KCNMA1: variants seen among roughly 807,000 people sequenced by gnomAD.
The protein encoded by KCNMA1 is Calcium-activated potassium channel subunit alpha-1.
In KCNMA1, 29 loss-of-function variants were observed where a neutral mutation model predicts 140.0. The ratio of observed to expected loss-of-function variants is 0.21; its 90% CI spans 0.15 to 0.28. The LOEUF (loss-of-function observed/expected upper bound fraction) is 0.28, where lower values mean the gene tolerates loss of function less well. Among genes scored for constraint, KCNMA1 ranks in the 10% least tolerant of loss-of-function variants. The pLI, the probability that KCNMA1 is intolerant of heterozygous loss-of-function variation, is 1.00. For synonymous variants in KCNMA1, 612 were observed against 611.9 expected (o/e 1.00, Z 0.00); for missense variants, 880 against 1,602.2 (o/e 0.55, Z 7.70).
At chr10:77,130,563 A>G (rs1339885813) in intron 5 of KCNMA1, among the ~76,000 whole-genome samples, 2 of 152,210 alleles carry the variant, frequency 1.3e-5, no homozygotes, top group Admixed American at 1.3e-4. Flanking sequence ...TAAATTATTC[A>G]TCAATGAATT....
intron 1 of KCNMA1, among the ~76,000 whole-genome samples, chr10:77,494,240 G>A (rs901377360): frequency 3.9e-5 from 6 of 152,056 alleles, no homozygotes; most frequent in African/African-American, 7.3e-5. Context: ...CTGGCATTTC[G>A]CCAATTGGAC....
intron 1 of KCNMA1, among the ~76,000 whole-genome samples, chr10:77,572,569 CATATATAT>C (rs56706119): frequency 0.031 from 1,177 of 37,562 alleles, 141 homozygotes; most frequent in African/African-American, 0.11. Context: ...AAAAAAAATC[CATATATAT>C]ATATATATAT....
intron 7 of KCNMA1, among the ~76,000 whole-genome samples, chr10:77,111,067 GC>G (rs982175525): frequency 3.3e-5 from 5 of 152,216 alleles, no homozygotes; most frequent in African/African-American, 1.2e-4. Context: ...CTCTGCAGAG[GC>G]AAAACTTCAA....
chr10:77,530,953 C>T (rs780823218), intron 1 of KCNMA1, among the ~76,000 whole-genome samples: 4 of 152,134 alleles, frequency 2.6e-5, no homozygotes, highest in African/African-American at 4.8e-5. Flanking sequence ...ATAAGAAATT[C>T]GTCTGTGTCC....
At position 77,608,733 on chromosome 10, in the gene KCNMA1, T is replaced by A. The variant is rs2154567607; in HGVS notation, c.378+28532A>T. ...CCTGTTATAGACACTTGCATTGATCTCCCTCTGCCCAGAACTGCTTTATTT... is the reference window on the plus strand; with the variant it reads ...CCTGTTATAGACACTTGCATTGATCACCCTCTGCCCAGAACTGCTTTATTT... On this transcript the variant is annotated intron_variant, in intron 1 of 27. Transcript: ENST00000286628. 2.0e-5 allele frequency among the ~76,000 whole-genome samples: 3 copies of A among 152,272 alleles called. No individual in the cohort carries two copies. The South Asian group carries it at 6.2e-4, about 32-fold the overall frequency.
intron 27 of KCNMA1, 55 bp downstream of exon 27, chr10:76,889,396 G>T (rs1341117264): frequency 3.4e-6 from 4 of 1,160,338 alleles, no homozygotes; most frequent in Middle Eastern, 1.9e-4. Flanking sequence ...GGACAGGAAA[G>T]GATATTAATA....
At chr10:77,234,410 T>C (rs2054691362) in intron 3 of KCNMA1, among the ~76,000 whole-genome samples, 1 of 152,214 alleles carries the variant, frequency 6.6e-6, no homozygotes, top group Non-Finnish European at 1.5e-5. Context: ...GGTCTGTCTC[T>C]TTCTGATACT....
In KCNMA1 at chr10:76,886,172, G is replaced by A. The variant is rs2036819149; in HGVS notation, c.*1094C>T. 1 of 985,372 alleles carries A rather than the reference G, an allele frequency of 1.0e-6. No homozygotes were observed. Among genetic ancestry groups the A allele is most frequent in the African/African-American group, 1.7e-5 (1 of 57,346 alleles). 61.0% of individuals were successfully genotyped at this position (985,372 alleles called of 1,614,324 possible). A position where few individuals can be genotyped will look rare whatever the true frequency, so the allele number is the denominator to read the frequency against. The stretch of plus-strand genomic sequence containing the variant: ...AAAAGCATGATCTGCAGCTGGGTTT[G>A]TCTTCCTCTCACTCTACCATTGCCC... On this transcript the variant is annotated 3_prime_UTR_variant, in exon 28 of 28. Coordinates refer to ENST00000286628, the MANE Select transcript of KCNMA1 (RefSeq NM_001161352.2).
intron 3 of KCNMA1, among the ~76,000 whole-genome samples, chr10:77,222,805 C>T (rs2050111515): frequency 6.6e-6 from 1 of 152,220 alleles, no homozygotes; most frequent in Admixed American, 6.5e-5. Flanking sequence ...TTATCTGAGA[C>T]AGGCAGAGGA....
chr10:77,105,297 G>T (rs1437296540), intron 9 of KCNMA1, among the ~76,000 whole-genome samples: 1 of 152,270 alleles, frequency 6.6e-6, no homozygotes, highest in African/African-American at 2.4e-5. Context: ...TTTATATTAT[G>T]CCAAACACAT....
intron 1 of KCNMA1, among the ~76,000 whole-genome samples, chr10:77,522,407 C>T (rs890382389): frequency 6.6e-6 from 1 of 152,136 alleles, no homozygotes; most frequent in Non-Finnish European, 1.5e-5. Flanking sequence ...TCATTTGCCT[C>T]GCCTCCTCCT....
chr10:76,922,557 C>T (rs1005993051), intron 23 of KCNMA1, among the ~76,000 whole-genome samples: 2 of 152,114 alleles, frequency 1.3e-5, no homozygotes, highest in Admixed American at 1.3e-4. Flanking sequence ...TCCGTATTCT[C>T]CCCAGGACAT....
At chr10:77,565,325 G>A (rs947130673) in intron 1 of KCNMA1, among the ~76,000 whole-genome samples, 8 of 152,026 alleles carry the variant, frequency 5.3e-5, no homozygotes, top group African/African-American at 1.2e-4. Context: ...ATGCAGCAGC[G>A]GGCGGGGAAA....
intron 2 of KCNMA1, among the ~76,000 whole-genome samples, chr10:77,285,764 A>T (rs1038802123): frequency 1.3e-5 from 2 of 152,164 alleles, no homozygotes; most frequent in African/African-American, 4.8e-5. Flanking sequence ...TCTGCCCCTT[A>T]CTGGCCATGT....
chr10:77,549,236 G>A (rs1279442596), intron 1 of KCNMA1, among the ~76,000 whole-genome samples: 4 of 152,200 alleles, frequency 2.6e-5, no homozygotes, highest in Non-Finnish European at 4.4e-5. Flanking sequence ...GGAAATATGT[G>A]TCCTGTCCCT....
intron 2 of KCNMA1, among the ~76,000 whole-genome samples, chr10:77,360,268 A>G (rs1317154923): frequency 1.3e-5 from 2 of 152,240 alleles, no homozygotes; most frequent in Non-Finnish European, 2.9e-5. Flanking sequence ...GGCAGCCTGC[A>G]AAGATCTCCC....
chr10:77,421,200 C>G (rs1169947096), intron 1 of KCNMA1, among the ~76,000 whole-genome samples: 1 of 152,192 alleles, frequency 6.6e-6, no homozygotes, highest in Non-Finnish European at 1.5e-5. Context: ...ATCTGCATGT[C>G]CTAGGTTTCC....
At chr10:77,300,962 C>T (rs771998274) in intron 2 of KCNMA1, among the ~76,000 whole-genome samples, 10 of 152,174 alleles carry the variant, frequency 6.6e-5, no homozygotes, top group Non-Finnish European at 1.2e-4. Flanking sequence ...GGAAGTGAGG[C>T]CCGGGCATCA....
chr10:77,235,726 T>C (rs2055211177), intron 3 of KCNMA1, among the ~76,000 whole-genome samples: 2 of 152,192 alleles, frequency 1.3e-5, no homozygotes, highest in African/African-American at 4.8e-5. Flanking sequence ...GAGTAGCATT[T>C]TCCTCTCCTC....
Sources: allele counts gnomAD v4.1 joint callset (sites outside exome capture counted in the v4.1 genomes callset), GRCh38; gene constraint gnomAD v4.1.1; transcripts MANE v1.5; gene names NCBI Gene and HGNC (gene_info 2026-07-23, HGNC 2026-07-21).